Variants in NEK11 observed in about 807,000 individuals in gnomAD.
The protein encoded by NEK11 is serine/threonine-protein kinase Nek11.
Under a neutral mutation model 80.7 loss-of-function variants are expected in NEK11, and 72 were observed. That is an observed-to-expected ratio of 0.89 (90% CI 0.74 to 1.08). The LOEUF is 1.08. Among genes scored for constraint, NEK11 ranks in the 50% least tolerant of loss-of-function variants. The pLI, the probability that NEK11 is intolerant of heterozygous loss-of-function variation, is 0.00. For missense variants in NEK11, 764 were observed against 763.6 expected, an observed-to-expected ratio of 1.00 and a Z score of -0.01; for synonymous variants, 251 against 260.7, an observed-to-expected ratio of 0.96 and a Z score of 0.36.
intron 3 of NEK11, among the ~76,000 whole-genome samples, chr3:131,062,303 G>GGT (rs2148822485): frequency 6.6e-6 from 1 of 152,220 alleles, no homozygotes; most frequent in Admixed American, 6.5e-5. Context: ...CACCAAACAA[G>GGT]GTATTCAACC....
At chr3:131,082,511 A>G (rs563664832) in intron 4 of NEK11, among the ~76,000 whole-genome samples, 1 of 152,226 alleles carries the variant, frequency 6.6e-6, no homozygotes, top group Admixed American at 6.5e-5. Context: ...TGTCTAATAT[A>G]GTAGTCGCTA....
chr3:131,329,395 C>T (rs2109995380), intron 17 of NEK11: 1 of 151,786 alleles, frequency 6.6e-6, no homozygotes, highest in South Asian at 2.1e-4. Context: ...GACATCTACT[C>T]ATTCATCCAA....
intron 17 of NEK11, among the ~76,000 whole-genome samples, chr3:131,284,351 T>G (rs2096444239): frequency 6.6e-6 from 1 of 152,188 alleles, no homozygotes; most frequent in Non-Finnish European, 1.5e-5. Context: ...TGCCCTATGG[T>G]AGCTCAAAGC....
intron 3 of NEK11, among the ~76,000 whole-genome samples, chr3:131,031,315 G>A (rs557477591): frequency 6.6e-6 from 1 of 152,138 alleles, no homozygotes; most frequent in East Asian, 1.9e-4. Flanking sequence ...TGCTGAAAAG[G>A]ATTTTTTCTC....
intron 3 of NEK11, among the ~76,000 whole-genome samples, chr3:131,078,012 T>C (rs1313089251): frequency 6.6e-6 from 1 of 152,218 alleles, no homozygotes; most frequent in Non-Finnish European, 1.5e-5. Context: ...TCCAACTTTC[T>C]GTATTGCAGT....
chr3:131,163,979 TAG>T (rs996882530), intron 11 of NEK11, among the ~76,000 whole-genome samples: 1 of 152,184 alleles, frequency 6.6e-6, no homozygotes, highest in African/African-American at 2.4e-5. Flanking sequence ...AATCAAGAAC[TAG>T]AGAGACAGAA....
chr3:131,139,361 A>C (rs969320711), intron 7 of NEK11, among the ~76,000 whole-genome samples: 2 of 151,638 alleles, frequency 1.3e-5, no homozygotes, highest in African/African-American at 4.8e-5. Context: ...AAGAAAAAAA[A>C]AAAAAAAAGA....
intron 14 of NEK11, among the ~76,000 whole-genome samples, chr3:131,175,442 C>T (rs1366037340): frequency 6.6e-6 from 1 of 152,106 alleles, no homozygotes; most frequent in Non-Finnish European, 1.5e-5. Context: ...CCAATATATA[C>T]AACAATATAG....
In NEK11 at chr3:131,080,547, G is replaced by T. The variant is rs1311255204; in HGVS notation, c.295G>T (p.Val99Leu). The T allele has an allele frequency of 1.2e-6, 2 of 1,613,622 alleles. No homozygotes were observed. Among genetic ancestry groups the T allele is most frequent in the South Asian group, 1.1e-5 (1 of 90,948 alleles). Residue 99 changes from valine to leucine, a missense_variant, in exon 4 of 18, where the codon GTG becomes TTG. Val to Leu is a conservative substitution (Grantham distance 32). Transcript: ENST00000383366. ...PAIVKFHASFVEQDNFCIITE... is the reference protein window; with the variant it reads ...PAIVKFHASFLEQDNFCIITE... Reference sequence around the variant, plus strand: ...CATTGTCAAGTTCCATGCAAGTTTTGTGGAGCAAGATAATTTCTGCATTAT... The same window carrying T: ...CATTGTCAAGTTCCATGCAAGTTTTTTGGAGCAAGATAATTTCTGCATTAT...
At chr3:131,060,235 C>T (rs1009154553) in intron 3 of NEK11, among the ~76,000 whole-genome samples, 5 of 152,194 alleles carry the variant, frequency 3.3e-5, no homozygotes, top group African/African-American at 9.6e-5. Context: ...GGTCTAAAAA[C>T]AATGAGCAAG....
chr3:131,334,160 T>C (rs1024395706), intron 17 of NEK11, among the ~76,000 whole-genome samples: 1 of 152,196 alleles, frequency 6.6e-6, no homozygotes, highest in Non-Finnish European at 1.5e-5. Flanking sequence ...ATCAACAGAA[T>C]ATACATTTTT....
intron 14 of NEK11, among the ~76,000 whole-genome samples, chr3:131,223,764 G>T: frequency 6.6e-6 from 1 of 152,082 alleles, no homozygotes; most frequent in East Asian, 1.9e-4. Context: ...AACCTTGACG[G>T]AATCAGTGGA....
chr3:131,177,189 A>G (rs2093072366), intron 14 of NEK11, among the ~76,000 whole-genome samples: 1 of 152,216 alleles, frequency 6.6e-6, no homozygotes, highest in Non-Finnish European at 1.5e-5. Context: ...TGATGGCCAA[A>G]GAAAGCTAAG....
chr3:131,158,444 C>T (rs1176987746), intron 10 of NEK11, among the ~76,000 whole-genome samples: 2 of 152,136 alleles, frequency 1.3e-5, no homozygotes, highest in Non-Finnish European at 2.9e-5. Flanking sequence ...AGAGCCTTGG[C>T]GGGCACAGAG....
At chr3:131,340,397 G>A (rs529419804) in intron 17 of NEK11, among the ~76,000 whole-genome samples, 1 of 152,054 alleles carries the variant, frequency 6.6e-6, no homozygotes, top group Non-Finnish European at 1.5e-5. Flanking sequence ...GTATTCTTTA[G>A]AGCCCTTATT....
chr3:131,123,862 G>T (rs900894721), intron 5 of NEK11, among the ~76,000 whole-genome samples: 1 of 152,028 alleles, frequency 6.6e-6, no homozygotes, highest in Non-Finnish European at 1.5e-5. Flanking sequence ...ACTCTTAATT[G>T]CAAATAACAG....
intron 5 of NEK11, among the ~76,000 whole-genome samples, chr3:131,110,833 A>T (rs928705594): frequency 6.6e-6 from 1 of 152,222 alleles, no homozygotes; most frequent in South Asian, 2.1e-4. Context: ...GTAATTCGCC[A>T]TGTATCTTCT....
chr3:131,078,103 A>C (rs895318581), intron 3 of NEK11, among the ~76,000 whole-genome samples: 1 of 152,174 alleles, frequency 6.6e-6, no homozygotes, highest in East Asian at 1.9e-4. Context: ...TTTCTAATGC[A>C]AATTGGCCTC....
intron 17 of NEK11, among the ~76,000 whole-genome samples, chr3:131,344,078 C>G (rs1451985949): frequency 6.6e-6 from 1 of 152,180 alleles, no homozygotes; most frequent in Non-Finnish European, 1.5e-5. Flanking sequence ...AACTTTTATG[C>G]TATCCTTCCC....
Sources: gnomAD v4.1 joint callset for allele counts (sites outside exome capture counted in the v4.1 genomes callset) on GRCh38, gnomAD v4.1.1 for gene constraint, MANE v1.5 for transcripts, NCBI Gene and HGNC (gene_info 2026-07-23, HGNC 2026-07-21) for gene names.